CDKL1: variants seen among roughly 807,000 people sequenced by gnomAD.
The protein encoded by CDKL1 is cyclin dependent kinase like 1.
A neutral mutation model predicts 42.0 loss-of-function variants in CDKL1; 41 were observed. The observed-to-expected ratio is 0.98, with a 90% CI of 0.76 to 1.27. The LOEUF is 1.27. Ranked by LOEUF, CDKL1 falls within the 50% of genes most tolerant of loss-of-function variation. CDKL1 has a pLI of 0.00. For synonymous variants in CDKL1, 153 were observed against 158.6 expected (o/e 0.96, Z 0.26); for missense variants, 394 against 428.4 (o/e 0.92, Z 0.71).
At position 50,327,327 on chromosome 14, in the gene CDKL1, C is replaced by T. The variant is rs1321145039; in HGVS notation, c.*2747G>A. 25 of 123,670 alleles carry T rather than the reference C, an allele frequency of 2.0e-4. No homozygotes were observed. The highest frequency in any genetic ancestry group is 7.1e-4 in the African/African-American group (24 of 33,632). The allele number at this position is 123,670 out of a possible 1,614,324, so 7.7% of individuals were successfully genotyped here. A position where few individuals can be genotyped will look rare whatever the true frequency, so the allele number is the denominator to read the frequency against. ...TCCAGCCTGGGCAACAGATTAAGAC[C>T]CTGTCTCAAAAAAAAAAAAAAAAGT... On this transcript the variant is annotated 3_prime_UTR_variant, in exon 10 of 10. Transcript: ENST00000395834.
intron 3 of CDKL1, among the ~76,000 whole-genome samples, chr14:50,349,433 AAAG>A (rs2033829637): frequency 6.6e-6 from 1 of 152,144 alleles, no homozygotes; most frequent in African/African-American, 2.4e-5. Context: ...GTCCATTATC[AAAG>A]AAGATTATGT....
intron 2 of CDKL1, among the ~76,000 whole-genome samples, chr14:50,395,348 T>C (rs1011038118): frequency 2.0e-5 from 3 of 152,246 alleles, no homozygotes; most frequent in African/African-American, 7.2e-5. Flanking sequence ...CTTTTGTCTC[T>C]GCTTTCTAGT....
chr14:50,389,150 T>C (rs2035178537), intron 2 of CDKL1, among the ~76,000 whole-genome samples: 1 of 144,738 alleles, frequency 6.9e-6, no homozygotes, highest in Admixed American at 6.8e-5. Flanking sequence ...CTGAAGTCTC[T>C]AACTGTAGCT....
At chr14:50,359,855 T>C (rs1198707264) in intron 2 of CDKL1, among the ~76,000 whole-genome samples, 1 of 151,222 alleles carries the variant, frequency 6.6e-6, no homozygotes, top group Non-Finnish European at 1.5e-5. Context: ...AGATAAATCT[T>C]GTACCTAGCT....
chr14:50,382,257 C>T (rs1272089694), intron 2 of CDKL1, among the ~76,000 whole-genome samples: 2 of 152,026 alleles, frequency 1.3e-5, no homozygotes, highest in Non-Finnish European at 2.9e-5. Flanking sequence ...TCGAGACCAT[C>T]CTGGCTAACG....
chr14:50,374,448 G>GA (rs2034673610), intron 2 of CDKL1, among the ~76,000 whole-genome samples: 1 of 152,178 alleles, frequency 6.6e-6, no homozygotes, highest in South Asian at 2.1e-4. Flanking sequence ...GGAGGTTGGG[G>GA]AATCCTAGGA....
intron 2 of CDKL1, among the ~76,000 whole-genome samples, chr14:50,363,495 T>C (rs543142361): frequency 6.6e-6 from 1 of 152,332 alleles, no homozygotes; most frequent in Non-Finnish European, 1.5e-5. Context: ...TATGATAGAA[T>C]TCGCAGAAAG....
At chr14:50,345,788 T>C (rs1230918463) in intron 3 of CDKL1, among the ~76,000 whole-genome samples, 1 of 152,132 alleles carries the variant, frequency 6.6e-6, no homozygotes, top group Non-Finnish European at 1.5e-5. Context: ...ATCTTTCTAC[T>C]CTCTCCTCCA....
At chr14:50,342,418 A>AG (rs1386008056) in intron 4 of CDKL1, 196 bp from the exon 5 acceptor site, 1 of 1,345,328 alleles carries the variant, frequency 7.4e-7, no homozygotes, top group Non-Finnish European at 9.5e-7. Context: ...AATTCCTAAA[A>AG]GGCCCAAAAG....
intron 2 of CDKL1, among the ~76,000 whole-genome samples, chr14:50,369,827 C>T (rs1179014414): frequency 3.3e-5 from 5 of 151,936 alleles, no homozygotes; most frequent in Non-Finnish European, 7.4e-5. Context: ...CCATGTTGGC[C>T]AGGCTAGTCT....
intron 2 of CDKL1, among the ~76,000 whole-genome samples, chr14:50,387,227 G>T (rs1396306199): frequency 6.7e-6 from 1 of 148,668 alleles, no homozygotes; most frequent in Admixed American, 6.7e-5. Flanking sequence ...AAAAAATGGG[G>T]GTGGGGGTGG....
chr14:50,339,928 A>AGC (rs2033451174), intron 6 of CDKL1, among the ~76,000 whole-genome samples: 4 of 152,150 alleles, frequency 2.6e-5, no homozygotes, highest in Non-Finnish European at 5.9e-5. Flanking sequence ...TCAAATTATT[A>AGC]CTGATGCATC....
rs539681622 is a variant in CDKL1, at chr14:50,361,876, C to T, written c.169-2727G>A. Among the ~76,000 whole-genome samples, 104 of 152,378 alleles carry T rather than the reference C, an allele frequency of 6.8e-4. No individual in the cohort carries two copies. In the South Asian group the frequency reaches 7.9e-3, roughly 12 times the overall value. On this transcript the variant is annotated intron_variant, in intron 2 of 9. Transcript: ENST00000395834. ...GCGGCACTTGAGGAGCCCTTCAGCCCGCCGCTGCACTGTGGGAGCCCCTTT... is the reference window on the plus strand; with the variant it reads ...GCGGCACTTGAGGAGCCCTTCAGCCTGCCGCTGCACTGTGGGAGCCCCTTT...
chr14:50,370,389 G>T (rs2034558466), intron 2 of CDKL1, among the ~76,000 whole-genome samples: 1 of 152,118 alleles, frequency 6.6e-6, no homozygotes, highest in African/African-American at 2.4e-5. Flanking sequence ...ATTTTGAAGT[G>T]TACAATACAT....
chr14:50,377,627 CTGA>C (rs2034771454), intron 2 of CDKL1: 4 of 1,326,926 alleles, frequency 3.0e-6, no homozygotes, highest in Non-Finnish European at 4.0e-6. Context: ...GACCCCACTG[CTGA>C]TGATAAGTGG....
chr14:50,389,998 A>G, intron 2 of CDKL1: 1 of 519,512 alleles, frequency 1.9e-6, no homozygotes, highest in Non-Finnish European at 3.7e-6. Flanking sequence ...GGATAACAAT[A>G]TCTACCTTCT....
Position 50,332,385 on chromosome 14 carries a change from C to T in CDKL1, c.843G>A (p.Leu281=). ...DPTQRLTCEQ[L]LHHPYFENIR... is the part of the protein sequence containing the mutation. The stretch of plus-strand genomic sequence containing the variant: ...TGTTTTCAAAATATGGGTGATGCAA[C>T]AGCTGTTCACATGTCAGCCTTTGAG... Residue 281 remains leucine, a synonymous_variant, in exon 9 of 10, where the codon CTG becomes CTA. Transcript: ENST00000395834. The T allele has an allele frequency of 6.2e-7, 1 of 1,614,174 alleles. No individual in the cohort carries two copies. Among genetic ancestry groups the T allele is most frequent in the Non-Finnish European group, 8.5e-7 (1 of 1,180,032 alleles).
intron 6 of CDKL1, among the ~76,000 whole-genome samples, chr14:50,340,454 G>GT (rs113790612): frequency 2.6e-5 from 4 of 151,574 alleles, no homozygotes; most frequent in East Asian, 1.9e-4. Context: ...CTACTGATGG[G>GT]TTTTTTTTTC....
intron 4 of CDKL1, chr14:50,343,140 C>A (rs2033609002): frequency 4.5e-6 from 3 of 664,178 alleles, no homozygotes; most frequent in Non-Finnish European, 6.3e-6. Context: ...AAATCAACAA[C>A]CTAATTAAGA....
Sources: allele counts gnomAD v4.1 joint callset (sites outside exome capture counted in the v4.1 genomes callset), GRCh38; gene constraint gnomAD v4.1.1; transcripts MANE v1.5; gene names NCBI Gene and HGNC (gene_info 2026-07-23, HGNC 2026-07-21).